AIM2: variants seen among roughly 807,000 people sequenced by gnomAD.
AIM2 encodes interferon-inducible protein AIM2.
Under a neutral mutation model 27.7 loss-of-function variants are expected in AIM2, and 30 were observed. The ratio of observed to expected loss-of-function variants is 1.08; its 90% CI spans 0.81 to 1.47. The LOEUF is 1.47. Among genes scored for constraint, AIM2 ranks in the 40% most tolerant of loss-of-function variants. The probability of loss-of-function intolerance (pLI) is 0.00; values close to 1 mark genes in which losing one functional copy is unlikely to be tolerated. For synonymous variants in AIM2, 141 were observed against 145.3 expected (o/e 0.97, Z 0.21); for missense variants, 358 against 411.3 (o/e 0.87, Z 1.12).
At chr1:159,096,083 A>G (rs955192509) in intron 1 of AIM2, among the ~76,000 whole-genome samples, 1 of 152,238 alleles carries the variant, frequency 6.6e-6, no homozygotes, top group South Asian at 2.1e-4. Context: ...GGATGACTCC[A>G]CTACCAGAGA....
chr1:159,078,294 G>T (rs1656683900), upstream of AIM2, among the ~76,000 whole-genome samples: 1 of 152,212 alleles, frequency 6.6e-6, no homozygotes, highest in Admixed American at 6.5e-5. Flanking sequence ...CTGCCCACTG[G>T]CTCACTGCAT....
chr1:159,072,181 G>A (rs542364420), intron 2 of AIM2, among the ~76,000 whole-genome samples: 12 of 152,306 alleles, frequency 7.9e-5, no homozygotes, highest in South Asian at 2.1e-4. Context: ...TGCCATCTAA[G>A]GGCCATCTCT....
upstream of AIM2, among the ~76,000 whole-genome samples, chr1:159,077,519 CTG>C (rs1004910594): frequency 6.6e-5 from 10 of 152,322 alleles, no homozygotes; most frequent in Admixed American, 3.3e-4. Context: ...CCAGTTTCTT[CTG>C]TGTTACATTC....
chr1:159,131,476 A>G (rs568108894), intron 1 of AIM2, among the ~76,000 whole-genome samples: 53 of 152,368 alleles, frequency 3.5e-4, no homozygotes, highest in Non-Finnish European at 1.2e-4. Flanking sequence ...CATTTGAAGG[A>G]AAGAAATTAT....
intron 1 of AIM2, among the ~76,000 whole-genome samples, chr1:159,136,200 G>C (rs766025718): frequency 6.6e-6 from 1 of 152,126 alleles, no homozygotes; most frequent in Non-Finnish European, 1.5e-5. Flanking sequence ...GAAGAAGATG[G>C]TTAGAAACAT....
At chr1:159,109,467 C>T (rs926472021) in intron 1 of AIM2, among the ~76,000 whole-genome samples, 1 of 152,300 alleles carries the variant, frequency 6.6e-6, no homozygotes, top group Admixed American at 6.5e-5. Flanking sequence ...TAGAAGATAA[C>T]ATTGGAAAAA....
intron 1 of AIM2, among the ~76,000 whole-genome samples, chr1:159,110,511 G>A (rs1657543453): frequency 6.6e-6 from 1 of 152,036 alleles, no homozygotes; most frequent in African/African-American, 2.4e-5. Context: ...TGTGCCGTTG[G>A]TATACCAGGG....
intron 1 of AIM2, among the ~76,000 whole-genome samples, chr1:159,131,846 C>A (rs1647894253): frequency 6.6e-6 from 1 of 152,112 alleles, no homozygotes. Context: ...AATTTTATTT[C>A]TCTTCTTGAA....
chr1:159,137,427 C>G (rs1019440802), intron 1 of AIM2, among the ~76,000 whole-genome samples: 7 of 152,076 alleles, frequency 4.6e-5, no homozygotes, highest in African/African-American at 9.7e-5. Flanking sequence ...GAGGCTGAGG[C>G]GGGTGGATCA....
chr1:159,067,904 CA>C (rs1445810012), intron 3 of AIM2, among the ~76,000 whole-genome samples: 3 of 152,118 alleles, frequency 2.0e-5, no homozygotes, highest in South Asian at 2.1e-4. Flanking sequence ...TCATTCTCAC[CA>C]ATGACACTCT....
At chr1:159,065,709 C>T (rs1405493339) in intron 4 of AIM2, among the ~76,000 whole-genome samples, 4 of 152,106 alleles carry the variant, frequency 2.6e-5, no homozygotes, top group African/African-American at 7.2e-5. Flanking sequence ...GAAATAGGAT[C>T]GTGACATTTT....
At chr1:159,104,346 T>A (rs1366657621) in intron 1 of AIM2, among the ~76,000 whole-genome samples, 1 of 152,174 alleles carries the variant, frequency 6.6e-6, no homozygotes, top group Admixed American at 6.5e-5. Context: ...CTCTCAAACA[T>A]CCTAAATGTG....
upstream of AIM2, among the ~76,000 whole-genome samples, chr1:159,077,210 A>T (rs1313085479): frequency 6.6e-6 from 1 of 150,548 alleles, no homozygotes; most frequent in Non-Finnish European, 1.5e-5. Flanking sequence ...GAGTGCAGGC[A>T]CTCAAAGATT....
intron 1 of AIM2, among the ~76,000 whole-genome samples, chr1:159,083,599 AT>A (rs1358322279): frequency 2.6e-5 from 4 of 152,222 alleles, no homozygotes; most frequent in Non-Finnish European, 5.9e-5. Flanking sequence ...ATTCTATACC[AT>A]TTAGCTCTAC....
At chr1:159,080,981 T>C (rs1222977430), upstream of AIM2, among the ~76,000 whole-genome samples, 4 of 152,082 alleles carry the variant, frequency 2.6e-5, no homozygotes, top group African/African-American at 7.2e-5. Context: ...ACAAAATACA[T>C]AACTATTAGG....
intron 1 of AIM2, among the ~76,000 whole-genome samples, chr1:159,086,553 A>C (rs376298954): frequency 1.3e-5 from 2 of 152,150 alleles, no homozygotes; most frequent in East Asian, 3.9e-4. Flanking sequence ...GTCCTTCTTT[A>C]TATCTCACTT....
intron 1 of AIM2, among the ~76,000 whole-genome samples, chr1:159,114,398 G>A (rs539454441): frequency 6.6e-6 from 1 of 152,286 alleles, no homozygotes; most frequent in Non-Finnish European, 1.5e-5. Context: ...AGTCCTGCTT[G>A]GAAAACACTA....
At chr1:159,073,060 G>GT (rs1656432671) in intron 2 of AIM2, among the ~76,000 whole-genome samples, 178 bp downstream of exon 2, 1 of 152,244 alleles carries the variant, frequency 6.6e-6, no homozygotes. Flanking sequence ...TGTGGAATTT[G>GT]TAACAAACAC....
intron 1 of AIM2, among the ~76,000 whole-genome samples, chr1:159,111,761 G>A (rs559976569): frequency 2.4e-4 from 36 of 147,556 alleles, no homozygotes; most frequent in Non-Finnish European, 4.6e-4. Flanking sequence ...CCAGGAGTTC[G>A]AGGCCTGGCC....
Sources: gnomAD v4.1 joint callset for allele counts (sites outside exome capture counted in the v4.1 genomes callset) on GRCh38, gnomAD v4.1.1 for gene constraint, MANE v1.5 for transcripts, NCBI Gene and HGNC (gene_info 2026-07-23, HGNC 2026-07-21) for gene names.